Variants in NEK11 observed in about 807,000 individuals in gnomAD.
The protein encoded by NEK11 is serine/threonine-protein kinase Nek11.
NEK11 carries 72 observed loss-of-function variants against 80.7 expected under a neutral mutation model. That is an observed-to-expected ratio of 0.89 (90% CI 0.74 to 1.08). NEK11 has a LOEUF of 1.08. NEK11 is among the 50% of genes least tolerant of loss of function. The probability of loss-of-function intolerance (pLI) is 0.00; values close to 1 mark genes in which losing one functional copy is unlikely to be tolerated. For synonymous variants in NEK11, 251 were observed against 260.7 expected, an observed-to-expected ratio of 0.96 and a Z score of 0.36; for missense variants, 764 against 763.6, an observed-to-expected ratio of 1.00 and a Z score of -0.01.
At chr3:131,066,188 C>T (rs2071910153) in intron 3 of NEK11, among the ~76,000 whole-genome samples, 1 of 152,204 alleles carries the variant, frequency 6.6e-6, no homozygotes, top group Non-Finnish European at 1.5e-5. Context: ...TTGGCATATT[C>T]TCCATAAGCC....
At chr3:131,161,729 G>A (rs1053999603) in intron 10 of NEK11, among the ~76,000 whole-genome samples, 2 of 152,026 alleles carry the variant, frequency 1.3e-5, no homozygotes, top group African/African-American at 2.4e-5. Flanking sequence ...ATAACTAATG[G>A]GTACTAGGCT....
At chr3:131,243,791 A>G (rs2095554311) in intron 16 of NEK11, among the ~76,000 whole-genome samples, 2 of 152,124 alleles carry the variant, frequency 1.3e-5, no homozygotes, top group South Asian at 4.1e-4. Context: ...CAGTTTCTGG[A>G]AAAAGGAACC....
chr3:131,150,743 A>G (rs2089484881), intron 7 of NEK11, among the ~76,000 whole-genome samples: 2 of 151,682 alleles, frequency 1.3e-5, no homozygotes, highest in South Asian at 2.1e-4. Context: ...TGTTAATTTT[A>G]TTTTGTAGAG....
chr3:131,319,711 C>T (rs534121250), intron 17 of NEK11, among the ~76,000 whole-genome samples: 12 of 152,222 alleles, frequency 7.9e-5, no homozygotes, highest in Admixed American at 7.2e-4. Context: ...TTATATCTAC[C>T]TTTCTTTCAC....
At chr3:131,175,260 T>G (rs566422228) in intron 14 of NEK11, 3 of 343,556 alleles carry the variant, frequency 8.7e-6, no homozygotes, top group Non-Finnish European at 8.2e-6. Flanking sequence ...TTTTAGATAG[T>G]TATCTGAAAA....
chr3:131,323,190 G>T (rs937507577), intron 17 of NEK11, among the ~76,000 whole-genome samples: 1 of 152,072 alleles, frequency 6.6e-6, no homozygotes, highest in Non-Finnish European at 1.5e-5. Context: ...CCTTAACGAG[G>T]AATTTTCTCT....
Position 131,078,522 on chromosome 3 carries a change from T to A in NEK11, c.171-1901T>A, listed in dbSNP as rs2074751855. The stretch of plus-strand genomic sequence containing the variant: ...AATGGGATGGGGGAATACTATACAA[T>A]AGTGTGCTGACTGCAATATCAAAAC... On this transcript the variant is annotated intron_variant, in intron 3 of 17. Transcript: ENST00000383366. Among the ~76,000 whole-genome samples the A allele has an allele frequency of 3.3e-5, 5 of 152,130 alleles. No individual in the cohort carries two copies. The South Asian group carries it at 1.0e-3, about 32-fold the overall frequency.
intron 16 of NEK11, among the ~76,000 whole-genome samples, chr3:131,261,895 G>T (rs74638017): frequency 2.0e-5 from 3 of 151,756 alleles, no homozygotes; most frequent in Non-Finnish European, 2.9e-5. Context: ...ACTGGAAAAA[G>T]ATGAGCAAAT....
intron 16 of NEK11, among the ~76,000 whole-genome samples, chr3:131,266,284 C>T (rs1278714901): frequency 1.3e-5 from 2 of 151,968 alleles, no homozygotes; most frequent in African/African-American, 4.8e-5. Context: ...TTCTCTAGTT[C>T]TTTAATTGTG....
chr3:131,158,182 A>C (rs936443430), intron 10 of NEK11, among the ~76,000 whole-genome samples: 1 of 152,016 alleles, frequency 6.6e-6, no homozygotes, highest in Non-Finnish European at 1.5e-5. Flanking sequence ...GGGGGTCTAC[A>C]TCATAGCTCC....
chr3:131,190,102 G>A (rs2093736828), intron 14 of NEK11, among the ~76,000 whole-genome samples: 1 of 152,138 alleles, frequency 6.6e-6, no homozygotes, highest in Non-Finnish European at 1.5e-5. Context: ...CTAAGTTCAA[G>A]GTATTTTGCT....
At chr3:131,077,924 C>G (rs189952750) in intron 3 of NEK11, among the ~76,000 whole-genome samples, 14 of 152,322 alleles carry the variant, frequency 9.2e-5, no homozygotes, top group Admixed American at 7.8e-4. Context: ...TCTCTAGAAT[C>G]TACTTCTTAT....
chr3:131,250,367 A>G (rs895092764), intron 16 of NEK11, among the ~76,000 whole-genome samples: 2 of 152,078 alleles, frequency 1.3e-5, no homozygotes, highest in African/African-American at 4.8e-5. Flanking sequence ...TTCAACAATA[A>G]CTAAAAGCTA....
chr3:131,082,785 T>C (rs2075455652), intron 4 of NEK11, among the ~76,000 whole-genome samples: 1 of 152,208 alleles, frequency 6.6e-6, no homozygotes, highest in Non-Finnish European at 1.5e-5. Flanking sequence ...TTATCCAGAT[T>C]CCCAAATTGT....
intron 16 of NEK11, among the ~76,000 whole-genome samples, chr3:131,252,259 G>A (rs1020668943): frequency 2.0e-5 from 3 of 152,080 alleles, no homozygotes; most frequent in Non-Finnish European, 2.9e-5. Context: ...CTCATTATCT[G>A]CCTAGGCACT....
intron 5 of NEK11, among the ~76,000 whole-genome samples, chr3:131,130,981 T>C (rs1335080348): frequency 6.6e-6 from 1 of 152,178 alleles, no homozygotes; most frequent in African/African-American, 2.4e-5. Flanking sequence ...TTTGTATTTT[T>C]AGTAGAGATG....
intron 17 of NEK11, among the ~76,000 whole-genome samples, chr3:131,336,495 G>C (rs1377381820): frequency 6.6e-6 from 1 of 152,158 alleles, no homozygotes; most frequent in Non-Finnish European, 1.5e-5. Context: ...TTAAACATTA[G>C]ACCTGAAACC....
At chr3:131,297,213 T>C (rs1331047760) in intron 17 of NEK11, among the ~76,000 whole-genome samples, 2 of 151,224 alleles carry the variant, frequency 1.3e-5, no homozygotes, top group Admixed American at 6.6e-5. Context: ...TATTTCTAGT[T>C]CTAGATCCCT....
intron 17 of NEK11, chr3:131,330,029 T>G (rs980079977): frequency 6.6e-6 from 1 of 152,086 alleles, no homozygotes; most frequent in African/African-American, 2.4e-5. Context: ...ACGAATCGAG[T>G]GGCTCCTGAA....
Sources: gnomAD v4.1 joint callset for allele counts (sites outside exome capture counted in the v4.1 genomes callset) on GRCh38, gnomAD v4.1.1 for gene constraint, MANE v1.5 for transcripts, NCBI Gene and HGNC (gene_info 2026-07-23, HGNC 2026-07-21) for gene names.